BDP1: variants seen among roughly 807,000 people sequenced by gnomAD.
BDP1 encodes BDP1 general transcription factor IIIB subunit.
Under a neutral mutation model 266.6 loss-of-function variants are expected in BDP1, and 169 were observed. The ratio of observed to expected loss-of-function variants is 0.63; its 90% CI spans 0.56 to 0.72. The LOEUF is 0.72. BDP1 is among the 30% of genes least tolerant of loss of function. The probability of loss-of-function intolerance (pLI) is 0.00; values close to 1 mark genes in which losing one functional copy is unlikely to be tolerated. For missense variants in BDP1, 3,015 were observed against 3,053.8 expected (o/e 0.99, Z 0.30); for synonymous variants, 1,090 against 1,022.4 (o/e 1.07, Z -1.26).
intron 6 of BDP1, among the ~76,000 whole-genome samples, 175 bp downstream of exon 6, chr5:71,467,662 C>G (rs1242973010): frequency 6.6e-6 from 1 of 152,112 alleles, no homozygotes; most frequent in Admixed American, 6.6e-5. Context: ...CTGACTTTGT[C>G]TTACAAATCT....
Position 71,542,236 on chromosome 5 carries a change from C to A in BDP1, c.6383C>A (p.Thr2128Asn), listed in dbSNP as rs1008860992. Residue 2128 changes from threonine (T) to asparagine (N), a missense_variant, in exon 30 of 39, where the codon ACC becomes AAC. Coordinates refer to ENST00000358731, the MANE Select transcript of BDP1 (RefSeq NM_018429.3). ...DYQEVSSLCV[T>N]KGAEMETQRE... The stretch of plus-strand genomic sequence containing the variant: ...CAGGAAGTTTCCAGTTTGTGTGTAA[C>A]CAAAGGGGCAGAAATGGAAACTCAA... 6.0e-5 allele frequency: 96 copies of A among 1,611,234 alleles called. No homozygotes were observed. The highest frequency in any genetic ancestry group is 8.0e-5 in the Non-Finnish European group (94 of 1,179,236).
chr5:71,567,540 ATCTTT>A lies in BDP1; in HGVS notation c.*2660_*2664del. ...AAAGGAGATATGAGTAAAAGTTTTT[ATCTTT>A]TCTTGACTTTTTCTCCTGAACACTT... On this transcript the variant is annotated 3_prime_UTR_variant, in exon 39 of 39. Transcript: ENST00000358731. The A allele has an allele frequency of 6.6e-6, 1 of 151,468 alleles. No individual in the cohort carries two copies. Among genetic ancestry groups the A allele is most frequent in the South Asian group, 2.1e-4 (1 of 4,826 alleles). 9.4% of individuals were successfully genotyped at this position (151,468 alleles called of 1,614,324 possible).
chr5:71,506,808 CACACACACACA>C lies in BDP1; in HGVS notation c.2372+2058_2372+2068del, dbSNP rs1257387019. Among the ~76,000 whole-genome samples, 397 of 140,660 alleles carry C rather than the reference CACACACACACA, an allele frequency of 2.8e-3. 5 individuals are homozygous for C. Among genetic ancestry groups the C allele is most frequent in the African/African-American group, 9.7e-3 (380 of 38,990 alleles). 92.3% of individuals were successfully genotyped at this position (140,660 alleles called of 152,430 possible). ...TGAAACACACACACACACACACACACACACACACACACACACCCATATTTTTTTAAAGACAA... is the reference window on the plus strand; with the variant it reads ...TGAAACACACACACACACACACACACCACACCCATATTTTTTTAAAGACAA... On this transcript the variant is annotated intron_variant, in intron 16 of 38. Transcript: ENST00000358731.
intron 13 of BDP1, among the ~76,000 whole-genome samples, chr5:71,501,324 C>G (rs914392148): frequency 1.3e-5 from 2 of 152,076 alleles, no homozygotes; most frequent in South Asian, 2.1e-4. Flanking sequence ...TACAGGCACA[C>G]GCTGCCATGC....
At chr5:71,544,298 A>G in intron 30 of BDP1, 59 bp from the exon 31 acceptor site, 1 of 1,493,792 alleles carries the variant, frequency 6.7e-7, no homozygotes, top group Non-Finnish European at 9.1e-7. Flanking sequence ...TATGTTTCTA[A>G]TACAGGGATT....
Position 71,557,421 on chromosome 5 carries a change from G to A in BDP1, c.7240+496G>A. ...TTTTTTTGAGACGGTGTCTCGCTCTGTCACCCAGGCTGGAGTGCAGTGGTG... is the reference window on the plus strand; with the variant it reads ...TTTTTTTGAGACGGTGTCTCGCTCTATCACCCAGGCTGGAGTGCAGTGGTG... On this transcript the variant is annotated intron_variant, in intron 36 of 38. Transcript: ENST00000358731. Among the ~76,000 whole-genome samples the A allele has an allele frequency of 1.6e-5, 2 of 126,224 alleles. 1 individual carries two copies. The highest frequency in any genetic ancestry group is 5.2e-4 in the South Asian group (2 of 3,852). 82.8% of individuals were successfully genotyped at this position (126,224 alleles called of 152,430 possible).
At chr5:71,480,277 ATTTTTTTTTTTTT>A (rs552593030) in intron 7 of BDP1, among the ~76,000 whole-genome samples, 4,505 of 105,130 alleles carry the variant, frequency 0.043, 242 homozygotes, top group African/African-American at 0.15. Context: ...TGCCCAGCTA[ATTTTTTTTTTTTT>A]TTTTTTTTTT....
chr5:71,458,464 T>G (rs1761332544), intron 1 of BDP1, 115 bp from the exon 2 acceptor site: 1 of 741,352 alleles, frequency 1.3e-6, no homozygotes, highest in African/African-American at 1.8e-5. Flanking sequence ...AGTTACTAAT[T>G]TTTTTTTTTT....
chr5:71,522,081 T>C (rs1765524255), intron 22 of BDP1, among the ~76,000 whole-genome samples: 1 of 152,192 alleles, frequency 6.6e-6, no homozygotes, highest in Non-Finnish European at 1.5e-5. Flanking sequence ...TCAGGCTCTA[T>C]AGAAAATGGA....
Position 71,541,592 on chromosome 5 carries a change from T to C in BDP1, c.6161T>C (p.Phe2054Ser). The C allele has an allele frequency of 6.2e-7, 1 of 1,612,694 alleles. No homozygotes were observed. Among genetic ancestry groups the C allele is most frequent in the Non-Finnish European group, 8.5e-7 (1 of 1,179,354 alleles). ...GTCATTACTACATCTCCTGCATCAT[T>C]TGAAGAAAACAAGATTGTATTGGAG... Reference protein sequence around the residue: ...SPVITTSPASFEENKIVLEEQ... With the variant: ...SPVITTSPASSEENKIVLEEQ... The change falls in exon 29 of 39, where the codon TTT (phenylalanine) becomes TCT (serine). Residue 2054 changes from phenylalanine (F) to serine (S), a missense_variant. By Grantham distance (155) the Phe-to-Ser change is radical. Coordinates refer to ENST00000358731, the MANE Select transcript of BDP1 (RefSeq NM_018429.3).
chr5:71,485,325 A>G (rs1457125903), intron 8 of BDP1, among the ~76,000 whole-genome samples: 1 of 152,086 alleles, frequency 6.6e-6, no homozygotes, highest in Non-Finnish European at 1.5e-5. Flanking sequence ...TTTCTATTGG[A>G]AATTTTTTTT....
intron 7 of BDP1, 28 bp from the exon 8 acceptor site, chr5:71,483,814 T>C (rs774504353): frequency 6.4e-7 from 1 of 1,570,066 alleles, no homozygotes; most frequent in Admixed American, 1.8e-5. Flanking sequence ...TGAGAGAAAA[T>C]TACCATAGGG....
chr5:71,478,362 G>A (rs1762728384), intron 7 of BDP1, among the ~76,000 whole-genome samples: 1 of 152,112 alleles, frequency 6.6e-6, no homozygotes, highest in African/African-American at 2.4e-5. Flanking sequence ...CTAGTTTTTA[G>A]CATTTAACTA....
the BDP1 span, among the ~76,000 whole-genome samples, chr5:71,576,457 C>T: frequency 6.6e-6 from 1 of 152,240 alleles, no homozygotes; most frequent in African/African-American, 2.4e-5. Flanking sequence ...ATGGGAAAAT[C>T]ATGTACTTAT....
At chr5:71,493,020 T>C (rs143303381) in intron 11 of BDP1, among the ~76,000 whole-genome samples, 21 of 152,322 alleles carry the variant, frequency 1.4e-4, no homozygotes, top group African/African-American at 5.1e-4. Flanking sequence ...ATCCAAGTAT[T>C]AATCAGGACC....
rs368057883 is a variant in BDP1, at chr5:71,510,621, G to A, written c.3529G>A (p.Gly1177Arg). 2.3e-5 allele frequency: 37 copies of A among 1,586,440 alleles called. No individual in the cohort carries two copies. The South Asian group carries it at 3.2e-4, about 14-fold the overall frequency. The change falls in exon 17 of 39, where the codon GGA (glycine) becomes AGA (arginine). Residue 1177 changes from glycine (G) to arginine (R), a missense_variant. Around this residue, in one of 3 missense-constraint regions of BDP1, gnomAD observed 2,383 missense variants for 2,404.9 expected, o/e 0.99. Coordinates refer to ENST00000358731, the MANE Select transcript of BDP1 (RefSeq NM_018429.3). ...AATGGAGACAGACTTGAAAACAACT[G>A]GAAGAGAGGGTTCCTCAAGGGAGAA... ...DEMETDLKTT[G>R]REGSSREKTR... is the part of the protein sequence containing the mutation.
At position 71,483,897 on chromosome 5, in the gene BDP1, G is replaced by C. The variant is rs749389312; in HGVS notation, c.1069+1G>C. The C allele has an allele frequency of 1.2e-6, 2 of 1,606,250 alleles. No homozygotes were observed. Among genetic ancestry groups the C allele is most frequent in the Non-Finnish European group, 1.7e-6 (2 of 1,173,978 alleles). ...GGATGGAGAATAGACAAAGCATTCCGTAAGTATTAAGACCTCTTTTACAAA... is the reference window on the plus strand; with the variant it reads ...GGATGGAGAATAGACAAAGCATTCCCTAAGTATTAAGACCTCTTTTACAAA... On this transcript the variant is annotated splice_donor_variant, in intron 8 of 38. Transcript: ENST00000358731. LOFTEE classifies it high-confidence loss of function.
chr5:71,463,980 TTTC>T (rs1761732302), intron 3 of BDP1, 75 bp from the exon 4 acceptor site: 3 of 836,864 alleles, frequency 3.6e-6, no homozygotes, highest in Non-Finnish European at 5.6e-6. Context: ...TTAGAATAAT[TTTC>T]TTCTTGCCTA....
intron 19 of BDP1, among the ~76,000 whole-genome samples, chr5:71,514,421 C>T (rs1765110933): frequency 1.3e-5 from 2 of 152,122 alleles, no homozygotes. Context: ...ACGTCCCTTT[C>T]CCCCAAGTTA....
Sources: allele counts gnomAD v4.1 joint callset (sites outside exome capture counted in the v4.1 genomes callset), GRCh38; gene constraint gnomAD v4.1.1; regional missense constraint gnomAD v4.1.1; transcripts MANE v1.5; gene names NCBI Gene and HGNC (gene_info 2026-07-23, HGNC 2026-07-21).